The following OR5P3 variants were observed in gnomAD, a reference collection of about 807,000 sequenced individuals.
OR5P3 encodes olfactory receptor family 5 subfamily P member 3, also known as olfactory receptor 5P3.
For synonymous variants in OR5P3, 172 were observed against 141.8 expected (o/e 1.21, Z -1.51); for missense variants, 415 against 375.6 (o/e 1.10, Z -0.87).
At chr11:7,828,417 TGAGA>T (rs1019154663) in intron 1 of OR5P3, among the ~76,000 whole-genome samples, 9 of 152,136 alleles carry the variant, frequency 5.9e-5, no homozygotes, top group Non-Finnish European at 1.2e-4. Flanking sequence ...GATGGCATTC[TGAGA>T]GAGAGAGTAC....
rs1297962750 is a variant in OR5P3, at chr11:7,825,496, G to C, written c.477C>G (p.Phe159Leu). ...YLGGCVNAWT[F>L]IGCLLRLSFC... is the part of the protein sequence containing the mutation. ...AGGACAGTCTTAATAAGCAGCCAATGAATGTCCAAGCATTCACACATCCAC... is the reference window on the plus strand; with the variant it reads ...AGGACAGTCTTAATAAGCAGCCAATCAATGTCCAAGCATTCACACATCCAC... The change falls in exon 2 of 2, where the codon TTC (phenylalanine) becomes TTG (leucine). Residue 159 changes from phenylalanine (F) to leucine (L), a missense_variant. Physicochemically the swap from Phe to Leu is conservative, Grantham distance 22. Coordinates refer to ENST00000641167, the MANE Select transcript of OR5P3 (RefSeq NM_153445.2). The C allele has an allele frequency of 1.1e-5, 17 of 1,613,322 alleles. No individual in the cohort carries two copies. Among genetic ancestry groups the C allele is most frequent in the Middle Eastern group, 3.3e-4 (2 of 6,062 alleles).
At chr11:7,829,175 A>C (rs1052854471) in intron 1 of OR5P3, among the ~76,000 whole-genome samples, 5 of 152,210 alleles carry the variant, frequency 3.3e-5, no homozygotes, top group Non-Finnish European at 5.9e-5. Flanking sequence ...ACAGCATAGA[A>C]AGACCAATAT....
intron 1 of OR5P3, among the ~76,000 whole-genome samples, chr11:7,826,881 A>C (rs1003864062): frequency 4.6e-5 from 7 of 152,212 alleles, no homozygotes; most frequent in African/African-American, 4.8e-5. Flanking sequence ...TGCTGTCTGA[A>C]AAAAATTGCA....
At chr11:7,826,078 G>A (rs766863069) in intron 1 of OR5P3, 85 bp from the exon 2 acceptor site, 61 of 674,126 alleles carry the variant, frequency 9.0e-5, no homozygotes, top group Non-Finnish European at 1.4e-4. Context: ...TAACCAAAAA[G>A]TATAACAATT....
intron 1 of OR5P3, among the ~76,000 whole-genome samples, chr11:7,830,447 G>A (rs1404925758): frequency 1.9e-4 from 29 of 152,130 alleles, no homozygotes. Context: ...TTTTAGAAAA[G>A]ATAGATGTGT....
Position 7,825,166 on chromosome 11 carries a change from G to A in OR5P3, c.807C>T (p.Asp269=), listed in dbSNP as rs757854919. 3 of 1,607,654 alleles carry A rather than the reference G, an allele frequency of 1.9e-6. No individual in the cohort carries two copies. The highest frequency in any genetic ancestry group is 2.5e-6 in the Non-Finnish European group (3 of 1,179,970). ...AGAACACAGACACCACCTTGTTCTGGTCAGTTGAGTAGCTGGACTTGGGCA... is the reference window on the plus strand; with the variant it reads ...AGAACACAGACACCACCTTGTTCTGATCAGTTGAGTAGCTGGACTTGGGCA... ...YVMPKSSYST[D]QNKVVSVFYT... Residue 269 remains aspartate, a synonymous_variant, in exon 2 of 2, where the codon GAC becomes GAT. Transcript: ENST00000641167.
intron 1 of OR5P3, among the ~76,000 whole-genome samples, chr11:7,827,957 A>T (rs1011523987): frequency 6.6e-6 from 1 of 152,172 alleles, no homozygotes; most frequent in Admixed American, 6.6e-5. Flanking sequence ...ATGCGGAGAC[A>T]TGATGCTAGC....
In OR5P3 at chr11:7,825,656, G is replaced by T; in HGVS notation, c.317C>A (p.Thr106Lys). 6.2e-7 allele frequency: 1 copy of T among 1,613,098 alleles called. No individual in the cohort carries two copies. Among genetic ancestry groups the T allele is most frequent in the Non-Finnish European group, 8.5e-7 (1 of 1,180,020 alleles). ...GCVAQLCSVVTFGTAECFLLA... is the reference protein window; with the variant it reads ...GCVAQLCSVVKFGTAECFLLA... ...CAGGAAGCACTCGGCCGTACCAAAC[G>T]TCACTACAGAACAGAGCTGGGCCAC... Residue 106 changes from threonine (T) to lysine (K), a missense_variant, in exon 2 of 2, where the codon ACG becomes AAG. Transcript: ENST00000641167.
intron 1 of OR5P3, among the ~76,000 whole-genome samples, chr11:7,827,672 C>G (rs1185347835): frequency 6.6e-6 from 1 of 151,998 alleles, no homozygotes; most frequent in East Asian, 1.9e-4. Flanking sequence ...TGAAAACAAG[C>G]AGGAAAAACA....
chr11:7,826,992 A>C (rs1564832805), intron 1 of OR5P3, among the ~76,000 whole-genome samples: 1 of 152,216 alleles, frequency 6.6e-6, no homozygotes, highest in Non-Finnish European at 1.5e-5. Context: ...CAGCTTCAAA[A>C]GGTCCTAGAA....
In OR5P3 at chr11:7,825,432, A is replaced by T; in HGVS notation, c.541T>A (p.Tyr181Asn). 5 of 1,613,328 alleles carry T rather than the reference A, an allele frequency of 3.1e-6. No homozygotes were observed. The highest frequency in any genetic ancestry group is 3.4e-6 in the Non-Finnish European group (4 of 1,180,044). ...PNKVNHFFCD[Y>N]SPLLKLACSH... ...CAAGCAAGCTTCAAAAGTGGTGAAT[A>T]GTCACAGAAAAAGTGATTGACTTTA... Residue 181 changes from tyrosine to asparagine, a missense_variant, in exon 2 of 2, where the codon TAT (tyrosine) becomes AAT (asparagine). By Grantham distance (143) the Tyr-to-Asn change is moderately radical. Coordinates refer to ENST00000641167, the MANE Select transcript of OR5P3 (RefSeq NM_153445.2).
intron 1 of OR5P3, among the ~76,000 whole-genome samples, chr11:7,828,118 C>T (rs747373729): frequency 1.3e-5 from 2 of 152,062 alleles, no homozygotes; most frequent in Non-Finnish European, 2.9e-5. Flanking sequence ...CTATCCATCA[C>T]CAGGTTCGGG....
intron 1 of OR5P3, among the ~76,000 whole-genome samples, chr11:7,828,369 T>C (rs1023637004): frequency 1.3e-5 from 2 of 152,212 alleles, no homozygotes; most frequent in African/African-American, 4.8e-5. Context: ...AAGGCTTGGA[T>C]ACTTGAAAAT....
chr11:7,826,409 A>G (rs1032153499), intron 1 of OR5P3, among the ~76,000 whole-genome samples: 2 of 152,228 alleles, frequency 1.3e-5, no homozygotes, highest in African/African-American at 4.8e-5. Context: ...TGTTTGAGGT[A>G]TCATCTATTG....
At chr11:7,826,562 G>A (rs1297121160) in intron 1 of OR5P3, among the ~76,000 whole-genome samples, 2 of 152,180 alleles carry the variant, frequency 1.3e-5, no homozygotes, top group Non-Finnish European at 2.9e-5. Flanking sequence ...CACAATTGAG[G>A]AAAAGTACAC....
intron 1 of OR5P3, among the ~76,000 whole-genome samples, chr11:7,827,134 T>C (rs1857752678): frequency 6.6e-6 from 1 of 152,232 alleles, no homozygotes; most frequent in Non-Finnish European, 1.5e-5. Context: ...TGAAGAACCA[T>C]ATTCTTGGAC....
intron 1 of OR5P3, 133 bp downstream of exon 1, chr11:7,830,691 A>G (rs1452390903): frequency 6.6e-6 from 1 of 152,222 alleles, no homozygotes; most frequent in South Asian, 2.1e-4. Context: ...GTACATGATA[A>G]TACCAAGTAT....
intron 1 of OR5P3, 66 bp from the exon 2 acceptor site, chr11:7,826,059 A>G: frequency 5.0e-6 from 4 of 793,330 alleles, no homozygotes; most frequent in South Asian, 1.9e-5. Flanking sequence ...TATTTTTCCA[A>G]TATCTATTTA....
intron 1 of OR5P3, among the ~76,000 whole-genome samples, chr11:7,828,221 A>G (rs961681726): frequency 2.0e-5 from 3 of 152,174 alleles, no homozygotes; most frequent in African/African-American, 7.2e-5. Context: ...GTTGAAAAGG[A>G]CAGTAAGGGA....
Sources: gnomAD v4.1 joint callset for allele counts (sites outside exome capture counted in the v4.1 genomes callset) on GRCh38, gnomAD v4.1.1 for gene constraint, MANE v1.5 for transcripts, NCBI Gene and HGNC (gene_info 2026-07-23, HGNC 2026-07-21) for gene names.